HS6ST3: variants seen among roughly 807,000 people sequenced by gnomAD.
HS6ST3 encodes heparan-sulfate 6-O-sulfotransferase 3.
A neutral mutation model predicts 36.7 loss-of-function variants in HS6ST3; 12 were observed. The ratio of observed to expected loss-of-function variants is 0.33; its 90% CI spans 0.21 to 0.53. HS6ST3 has a LOEUF of 0.53. Ranked by LOEUF, HS6ST3 falls within the 20% of genes least tolerant of loss-of-function variation. The pLI is 0.95. For synonymous variants in HS6ST3, 240 were observed against 257.5 expected (o/e 0.93, Z 0.65); for missense variants, 584 against 640.9 (o/e 0.91, Z 0.96).
At chr13:96,462,380 T>C (rs1594785430) in intron 1 of HS6ST3, among the ~76,000 whole-genome samples, 1 of 152,192 alleles carries the variant, frequency 6.6e-6, no homozygotes, top group African/African-American at 2.4e-5. Context: ...CTAAAAACTT[T>C]TAATAGAATG....
intron 1 of HS6ST3, among the ~76,000 whole-genome samples, chr13:96,611,894 G>T (rs1456859681): frequency 6.6e-6 from 1 of 152,144 alleles, no homozygotes; most frequent in Non-Finnish European, 1.5e-5. Context: ...AGGGGTCATC[G>T]AGTGTTTCTG....
At chr13:96,571,501 G>T (rs2056301012) in intron 1 of HS6ST3, among the ~76,000 whole-genome samples, 1 of 152,138 alleles carries the variant, frequency 6.6e-6, no homozygotes, top group African/African-American at 2.4e-5. Flanking sequence ...TCTGTGTCAG[G>T]TTCCTCTTTA....
chr13:96,514,870 G>A (rs370668963), intron 1 of HS6ST3, among the ~76,000 whole-genome samples: 3 of 152,254 alleles, frequency 2.0e-5, no homozygotes, highest in East Asian at 3.9e-4. Flanking sequence ...GATACTCTTA[G>A]GCATGCAAGT....
At chr13:96,460,336 A>G (rs893986500) in intron 1 of HS6ST3, among the ~76,000 whole-genome samples, 8 of 152,224 alleles carry the variant, frequency 5.3e-5, no homozygotes, top group African/African-American at 1.9e-4. Context: ...ATCTGCTTCA[A>G]ATTCTTCTAC....
intron 1 of HS6ST3, among the ~76,000 whole-genome samples, chr13:96,286,302 C>G (rs1044911098): frequency 7.9e-5 from 12 of 152,086 alleles, no homozygotes; most frequent in African/African-American, 1.4e-4. Flanking sequence ...TCATTTAGCC[C>G]TGAAATCCCT....
intron 1 of HS6ST3, among the ~76,000 whole-genome samples, chr13:96,787,980 A>G (rs1252692352): frequency 6.6e-6 from 1 of 151,976 alleles, no homozygotes. Context: ...TGAATGTCCA[A>G]TTACTCCAAC....
At chr13:96,435,955 C>T (rs536485488) in intron 1 of HS6ST3, among the ~76,000 whole-genome samples, 6 of 152,308 alleles carry the variant, frequency 3.9e-5, no homozygotes, top group South Asian at 2.1e-4. Flanking sequence ...TGCCATGTCA[C>T]GTAGTCGTCT....
Position 96,747,101 on chromosome 13 carries a change from G to T in HS6ST3, c.708-85389G>T, listed in dbSNP as rs181346095. ...TCTCCCAGATATTCCATCCAGAAGG[G>T]CTAAGTGAAATCAATATGGCAACAG... On this transcript the variant is annotated intron_variant, in intron 1 of 1. Coordinates refer to ENST00000376705, the MANE Select transcript of HS6ST3 (RefSeq NM_153456.4). Among the ~76,000 whole-genome samples, 34 of 152,160 alleles carry T rather than the reference G, an allele frequency of 2.2e-4. 1 individual carries two copies. The highest frequency in any genetic ancestry group is 8.2e-4 in the African/African-American group (34 of 41,544).
At chr13:96,620,290 CT>C (rs1162078788) in intron 1 of HS6ST3, among the ~76,000 whole-genome samples, 6 of 152,160 alleles carry the variant, frequency 3.9e-5, no homozygotes, top group Non-Finnish European at 8.8e-5. Context: ...AGAAAATTGA[CT>C]GTTTTTTAAA....
intron 1 of HS6ST3, among the ~76,000 whole-genome samples, chr13:96,711,885 A>C (rs1291692749): frequency 6.6e-6 from 1 of 152,164 alleles, no homozygotes; most frequent in Non-Finnish European, 1.5e-5. Context: ...GACCAACCTG[A>C]ATTAATTTAT....
intron 1 of HS6ST3, among the ~76,000 whole-genome samples, chr13:96,722,866 A>G (rs1398664244): frequency 6.6e-6 from 1 of 152,124 alleles, no homozygotes; most frequent in African/African-American, 2.4e-5. Context: ...AGTCCCAGCT[A>G]CACGGGAAGC....
intron 1 of HS6ST3, among the ~76,000 whole-genome samples, chr13:96,198,839 C>A (rs995267396): frequency 2.6e-5 from 4 of 152,210 alleles, no homozygotes; most frequent in Non-Finnish European, 4.4e-5. Flanking sequence ...TGCCTGTTAT[C>A]CAGCTACAAA....
At chr13:96,269,518 C>T (rs969474695) in intron 1 of HS6ST3, among the ~76,000 whole-genome samples, 2 of 152,034 alleles carry the variant, frequency 1.3e-5, no homozygotes, top group East Asian at 3.9e-4. Flanking sequence ...TTCCATGAAA[C>T]GTGCACTTCT....
intron 1 of HS6ST3, among the ~76,000 whole-genome samples, chr13:96,723,173 G>T (rs997903618): frequency 1.3e-5 from 2 of 152,088 alleles, no homozygotes; most frequent in African/African-American, 4.8e-5. Context: ...CCTTGCAGCT[G>T]GGTATGGTCA....
intron 1 of HS6ST3, among the ~76,000 whole-genome samples, chr13:96,205,645 A>T (rs1345616661): frequency 6.6e-6 from 1 of 152,222 alleles, no homozygotes; most frequent in East Asian, 1.9e-4. Context: ...AGTTGGCTTC[A>T]TCCCTGGGAT....
chr13:96,306,319 G>T (rs1186811093), intron 1 of HS6ST3, among the ~76,000 whole-genome samples: 1 of 151,882 alleles, frequency 6.6e-6, no homozygotes, highest in East Asian at 1.9e-4. Flanking sequence ...GGCCAGGATA[G>T]TCTTGATCTC....
At chr13:96,118,449 C>G (rs1465079339) in intron 1 of HS6ST3, among the ~76,000 whole-genome samples, 3 of 151,774 alleles carry the variant, frequency 2.0e-5, no homozygotes, top group Non-Finnish European at 2.9e-5. Flanking sequence ...GTTGCTTAAG[C>G]TACCAAGTTT....
intron 1 of HS6ST3, among the ~76,000 whole-genome samples, chr13:96,215,494 G>A (rs190115427): frequency 6.6e-6 from 1 of 152,100 alleles, no homozygotes; most frequent in East Asian, 1.9e-4. Context: ...ATATAAAACT[G>A]TGTACTCTTC....
intron 1 of HS6ST3, among the ~76,000 whole-genome samples, chr13:96,210,325 G>C (rs550780800): frequency 1.8e-4 from 27 of 152,292 alleles, no homozygotes; most frequent in Admixed American, 6.5e-4. Context: ...TAACTAGGGA[G>C]AGAAGAGACT....
Sources: gnomAD v4.1 joint callset for allele counts (sites outside exome capture counted in the v4.1 genomes callset) on GRCh38, gnomAD v4.1.1 for gene constraint, MANE v1.5 for transcripts, NCBI Gene and HGNC (gene_info 2026-07-23, HGNC 2026-07-21) for gene names.